Variants in KCNQ3 observed in about 807,000 individuals in gnomAD.
KCNQ3 encodes potassium voltage-gated channel subfamily Q member 3.
In KCNQ3, 30 loss-of-function variants were observed where a neutral mutation model predicts 92.5. The ratio of observed to expected loss-of-function variants is 0.32; its 90% CI spans 0.24 to 0.44. The LOEUF (loss-of-function observed/expected upper bound fraction) is 0.44, where lower values mean the gene tolerates loss of function less well. Ranked by LOEUF, KCNQ3 falls within the 20% of genes least tolerant of loss-of-function variation. The pLI, the probability that KCNQ3 is intolerant of heterozygous loss-of-function variation, is 1.00. For synonymous variants in KCNQ3, 450 were observed against 468.8 expected (o/e 0.96, Z 0.52); for missense variants, 913 against 1,140.3 (o/e 0.80, Z 2.87).
At chr8:132,256,673 G>A (rs1326878307) in intron 1 of KCNQ3, among the ~76,000 whole-genome samples, 1 of 152,138 alleles carries the variant, frequency 6.6e-6, no homozygotes, top group East Asian at 1.9e-4. Context: ...AGAAACCAAG[G>A]AGGCCAGAAG....
chr8:132,250,786 C>T (rs147220051), intron 1 of KCNQ3, among the ~76,000 whole-genome samples: 6 of 152,258 alleles, frequency 3.9e-5, no homozygotes, highest in Admixed American at 2.0e-4. Flanking sequence ...CCTGGCAAAA[C>T]GTAATGGCTG....
In KCNQ3 at chr8:132,455,987, C is replaced by A. The variant is rs111300756; in HGVS notation, c.386+24160G>T. On this transcript the variant is annotated intron_variant, in intron 1 of 14. Coordinates refer to ENST00000388996, the MANE Select transcript of KCNQ3 (RefSeq NM_004519.4). Reference sequence around the variant, plus strand: ...GTCTCGATCTCCTGACCTCGTGATCCGCCCACCTCCGCCTCCCAAAGTGCT... The same window carrying A: ...GTCTCGATCTCCTGACCTCGTGATCAGCCCACCTCCGCCTCCCAAAGTGCT... Among the ~76,000 whole-genome samples the A allele has an allele frequency of 2.5e-3, 375 of 152,132 alleles. 1 individual carries two copies. Among genetic ancestry groups the A allele is most frequent in the Non-Finnish European group, 4.4e-3 (297 of 67,982 alleles).
intron 1 of KCNQ3, among the ~76,000 whole-genome samples, chr8:132,399,288 T>C (rs1409738509): frequency 3.9e-5 from 6 of 152,152 alleles, no homozygotes; most frequent in African/African-American, 1.4e-4. Flanking sequence ...TTGGGGAGTA[T>C]TTTTTGCTTT....
At chr8:132,357,208 C>A (rs958097708) in intron 1 of KCNQ3, among the ~76,000 whole-genome samples, 2 of 152,182 alleles carry the variant, frequency 1.3e-5, no homozygotes, top group African/African-American at 4.8e-5. Context: ...ATGCCCCTAT[C>A]TTAGCTTGGG....
chr8:132,351,098 C>T (rs1302181072), intron 1 of KCNQ3, among the ~76,000 whole-genome samples: 1 of 152,084 alleles, frequency 6.6e-6, no homozygotes, highest in African/African-American at 2.4e-5. Flanking sequence ...AGTGACAGAT[C>T]CCATTAATAC....
chr8:132,306,634 A>G (rs754738992), intron 1 of KCNQ3, among the ~76,000 whole-genome samples: 1 of 152,252 alleles, frequency 6.6e-6, no homozygotes, highest in South Asian at 2.1e-4. Flanking sequence ...GGACAACACT[A>G]TAGGAAGCAG....
At chr8:132,217,710 C>CAAAAAAAAAAAA (rs1170925572) in intron 1 of KCNQ3, among the ~76,000 whole-genome samples, 1 of 66,406 alleles carries the variant, frequency 1.5e-5, no homozygotes, top group African/African-American at 5.9e-5. Context: ...GGCTCTGTCT[C>CAAAAAAAAAAAA]AAAAAAAAAA....
chr8:132,137,024 C>T, intron 12 of KCNQ3, among the ~76,000 whole-genome samples: 1 of 101,676 alleles, frequency 9.8e-6, no homozygotes, highest in East Asian at 2.2e-4. Context: ...ACCACCATGC[C>T]TGGATTTTTT....
intron 1 of KCNQ3, among the ~76,000 whole-genome samples, chr8:132,464,109 C>T (rs1441102687): frequency 2.6e-5 from 4 of 152,214 alleles, no homozygotes; most frequent in Non-Finnish European, 5.9e-5. Context: ...CGCTTGACAT[C>T]ATTTTTATAT....
At position 132,347,283 on chromosome 8, in the gene KCNQ3, A is replaced by G. The variant is rs79328781; in HGVS notation, c.386+132864T>C. ...CTCTCTTTACTCATCAAGTATTTCA[A>G]TGGCCTGGAAAGTACCCATTCTTAC... On this transcript the variant is annotated intron_variant, in intron 1 of 14. Transcript: ENST00000388996. Among the ~76,000 whole-genome samples the G allele has an allele frequency of 2.0e-4, 31 of 152,342 alleles. No homozygotes were observed. In the East Asian group the frequency reaches 2.9e-3, roughly 14 times the overall value.
chr8:132,313,159 G>A (rs1050111725), intron 1 of KCNQ3, among the ~76,000 whole-genome samples: 3 of 152,152 alleles, frequency 2.0e-5, no homozygotes, highest in Non-Finnish European at 4.4e-5. Context: ...GAAAAATTAA[G>A]GGGAGAATAA....
chr8:132,181,278 ACCC>A, intron 3 of KCNQ3, among the ~76,000 whole-genome samples: 1 of 151,976 alleles, frequency 6.6e-6, no homozygotes, highest in African/African-American at 2.4e-5. Flanking sequence ...GTCAATTATC[ACCC>A]CACTTTCCTG....
chr8:132,215,644 G>T (rs1408624136), intron 1 of KCNQ3, among the ~76,000 whole-genome samples: 1 of 152,176 alleles, frequency 6.6e-6, no homozygotes, highest in Admixed American at 6.5e-5. Flanking sequence ...ACTGCTGTTT[G>T]TTGAAGGAAG....
intron 1 of KCNQ3, among the ~76,000 whole-genome samples, chr8:132,330,187 T>A (rs1818188545): frequency 6.6e-6 from 1 of 152,126 alleles, no homozygotes; most frequent in South Asian, 2.1e-4. Context: ...AGCCCAGGAA[T>A]GCTGGGGCAG....
chr8:132,446,734 T>C (rs1241557428), intron 1 of KCNQ3, among the ~76,000 whole-genome samples: 1 of 152,194 alleles, frequency 6.6e-6, no homozygotes, highest in Non-Finnish European at 1.5e-5. Flanking sequence ...GTATATTTAA[T>C]ATTGACAGTA....
At chr8:132,148,200 G>C (rs997972311) in intron 9 of KCNQ3, among the ~76,000 whole-genome samples, 2 of 152,182 alleles carry the variant, frequency 1.3e-5, no homozygotes, top group Non-Finnish European at 2.9e-5. Flanking sequence ...TCTGGAACTT[G>C]ACGGGCCTTC....
chr8:132,362,930 G>A (rs1819210008), intron 1 of KCNQ3, among the ~76,000 whole-genome samples: 2 of 152,180 alleles, frequency 1.3e-5, no homozygotes, highest in Non-Finnish European at 2.9e-5. Context: ...GTACATCTGA[G>A]TTCCTAAGGC....
intron 1 of KCNQ3, among the ~76,000 whole-genome samples, chr8:132,340,477 T>C (rs1174774308): frequency 2.0e-5 from 3 of 152,212 alleles, no homozygotes. Flanking sequence ...TGGATGAAGC[T>C]GGAAGCCATC....
intron 14 of KCNQ3, among the ~76,000 whole-genome samples, chr8:132,130,347 G>A (rs947628570): frequency 1.3e-5 from 2 of 152,098 alleles, no homozygotes; most frequent in Non-Finnish European, 2.9e-5. Flanking sequence ...AAAATGCTGG[G>A]ATTACAGGCA....
Sources: allele counts gnomAD v4.1 joint callset (sites outside exome capture counted in the v4.1 genomes callset), GRCh38; gene constraint gnomAD v4.1.1; transcripts MANE v1.5; gene names NCBI Gene and HGNC (gene_info 2026-07-23, HGNC 2026-07-21).